Variants in GALNT13 observed in about 807,000 individuals in gnomAD.
The protein encoded by GALNT13 is polypeptide N-acetylgalactosaminyltransferase 13.
A neutral mutation model predicts 64.2 loss-of-function variants in GALNT13; 28 were observed. The observed-to-expected ratio is 0.44, with a 90% CI of 0.32 to 0.60. The LOEUF (loss-of-function observed/expected upper bound fraction) is 0.60. Among genes scored for constraint, GALNT13 ranks in the 20% least tolerant of loss-of-function variants. The probability of loss-of-function intolerance (pLI) is 0.05; values close to 1 mark genes in which losing one functional copy is unlikely to be tolerated. For missense variants in GALNT13, 577 were observed against 669.8 expected (o/e 0.86, Z 1.53); for synonymous variants, 214 against 224.6 (o/e 0.95, Z 0.42).
At chr2:153,856,225 T>C in the GALNT13 span, among the ~76,000 whole-genome samples, 1 of 142,968 alleles carries the variant, frequency 7.0e-6, no homozygotes, top group Non-Finnish European at 1.5e-5. Context: ...GTAAGTGTTA[T>C]AAATTGTATC....
the GALNT13 span, among the ~76,000 whole-genome samples, chr2:153,353,833 C>T: frequency 6.6e-6 from 1 of 152,032 alleles, no homozygotes; most frequent in African/African-American, 2.4e-5. Flanking sequence ...TTTGATATAT[C>T]TTTGGATTTG....
intron 2 of GALNT13, among the ~76,000 whole-genome samples, chr2:153,924,216 C>G (rs1352019576): frequency 6.6e-6 from 1 of 150,412 alleles, no homozygotes; most frequent in Non-Finnish European, 1.5e-5. Context: ...TCTTCCCACC[C>G]CCACCCTCAG....
At chr2:153,697,310 A>C in the GALNT13 span, among the ~76,000 whole-genome samples, 3 of 152,122 alleles carry the variant, frequency 2.0e-5, no homozygotes, top group Non-Finnish European at 4.4e-5. Flanking sequence ...TTTGGTTATG[A>C]ATTCTGCAAT....
At chr2:153,127,784 C>A in the GALNT13 span, among the ~76,000 whole-genome samples, 1 of 152,092 alleles carries the variant, frequency 6.6e-6, no homozygotes, top group Non-Finnish European at 1.5e-5. Flanking sequence ...TTTCCCTAGG[C>A]TTTGGTAGTT....
chr2:153,337,830 G>A, the GALNT13 span: 1 of 152,124 alleles, frequency 6.6e-6, no homozygotes, highest in Non-Finnish European at 1.5e-5. Flanking sequence ...AATAGTCAGA[G>A]ACCTCAAATA....
chr2:154,122,633 CTTGTGTATTTTGGTAGTT>C (rs1420964121), intron 3 of GALNT13, among the ~76,000 whole-genome samples: 1 of 151,496 alleles, frequency 6.6e-6, no homozygotes, highest in African/African-American at 2.4e-5. Flanking sequence ...TGTATTTATC[CTTGTGTATTTTGGTAGTT>C]TTGTGTGTTT....
chr2:153,455,082 G>C, the GALNT13 span, among the ~76,000 whole-genome samples: 9 of 152,112 alleles, frequency 5.9e-5, no homozygotes, highest in Non-Finnish European at 1.5e-5. Context: ...ATTGGGGATA[G>C]GAAGGAAGGG....
chr2:153,319,415 A>T, the GALNT13 span, among the ~76,000 whole-genome samples: 1 of 152,128 alleles, frequency 6.6e-6, no homozygotes, highest in Non-Finnish European at 1.5e-5. Context: ...CTGGGACTAC[A>T]GGTGCATATC....
intron 8 of GALNT13, among the ~76,000 whole-genome samples, chr2:154,294,045 C>G (rs1039952286): frequency 1.3e-5 from 2 of 152,114 alleles, no homozygotes; most frequent in Non-Finnish European, 2.9e-5. Flanking sequence ...TGAGGAGAGG[C>G]TTTACCTAGG....
the GALNT13 span, among the ~76,000 whole-genome samples, chr2:153,749,325 T>G: frequency 6.6e-6 from 1 of 152,024 alleles, no homozygotes; most frequent in Non-Finnish European, 1.5e-5. Flanking sequence ...TTATTCTGAG[T>G]CTTTCATGGG....
intron 9 of GALNT13, among the ~76,000 whole-genome samples, chr2:154,395,419 T>C (rs1699011134): frequency 6.6e-6 from 1 of 152,156 alleles, no homozygotes; most frequent in African/African-American, 2.4e-5. Context: ...TCTTTACACT[T>C]AGATATTTGC....
chr2:153,421,533 C>A, the GALNT13 span: 1 of 231,534 alleles, frequency 4.3e-6, no homozygotes, highest in South Asian at 8.4e-5. Context: ...GAAGTGAACC[C>A]AGAACCAGTT....
chr2:153,572,554 C>T, the GALNT13 span, among the ~76,000 whole-genome samples: 1 of 151,648 alleles, frequency 6.6e-6, no homozygotes, highest in African/African-American at 2.4e-5. Flanking sequence ...TAAAGTTTCT[C>T]CCCCTCTTTG....
intron 3 of GALNT13, among the ~76,000 whole-genome samples, chr2:153,953,928 G>A (rs566881845): frequency 6.6e-6 from 1 of 152,224 alleles, no homozygotes; most frequent in African/African-American, 2.4e-5. Flanking sequence ...GGTGCTGCCA[G>A]GGAGGCTAAG....
chr2:153,997,760 A>G (rs1259372040), intron 3 of GALNT13, among the ~76,000 whole-genome samples: 1 of 152,128 alleles, frequency 6.6e-6, no homozygotes, highest in African/African-American at 2.4e-5. Context: ...TGTCATCTAC[A>G]TTAGGTGCTT....
chr2:153,899,935 A>ATTTT (rs1167875826), intron 1 of GALNT13, among the ~76,000 whole-genome samples: 39 of 98,156 alleles, frequency 4.0e-4, no homozygotes, highest in South Asian at 1.3e-3. Context: ...ATATATATAT[A>ATTTT]TTTTTTTTTT....
the GALNT13 span, among the ~76,000 whole-genome samples, chr2:153,075,719 C>G: frequency 5.3e-3 from 799 of 152,170 alleles, 9 homozygotes; most frequent in African/African-American, 0.018. Context: ...CCAGAAAAAT[C>G]AAGCTTCTAT....
intron 3 of GALNT13, among the ~76,000 whole-genome samples, chr2:154,002,220 T>C (rs951493828): frequency 2.0e-5 from 3 of 152,176 alleles, no homozygotes; most frequent in Non-Finnish European, 4.4e-5. Flanking sequence ...TCTCCATATT[T>C]GGAAAGTTTT....
the GALNT13 span, chr2:153,449,910 A>T: frequency 6.6e-6 from 1 of 152,222 alleles, no homozygotes; most frequent in East Asian, 1.9e-4. Context: ...CACCTCTTAA[A>T]GGCCATACCT....
Sources: allele counts gnomAD v4.1 joint callset (sites outside exome capture counted in the v4.1 genomes callset), GRCh38; gene constraint gnomAD v4.1.1; transcripts MANE v1.5; gene names NCBI Gene and HGNC (gene_info 2026-07-23, HGNC 2026-07-21).